NTM: variants seen among roughly 807,000 people sequenced by gnomAD.
NTM encodes the protein IgLON family member 2.
Under a neutral mutation model 42.1 loss-of-function variants are expected in NTM, and 13 were observed. That is an observed-to-expected ratio of 0.31 (90% CI 0.20 to 0.49). NTM has a LOEUF of 0.49. Among genes scored for constraint, NTM ranks in the 20% least tolerant of loss-of-function variants. The pLI, the probability that NTM is intolerant of heterozygous loss-of-function variation, is 0.99. For missense variants in NTM, 373 were observed against 452.8 expected (o/e 0.82, Z 1.60); for synonymous variants, 187 against 179.2 (o/e 1.04, Z -0.35).
chr11:131,708,870 T>C (rs766047113), intron 1 of NTM, among the ~76,000 whole-genome samples: 2 of 152,102 alleles, frequency 1.3e-5, no homozygotes, highest in African/African-American at 4.8e-5. Flanking sequence ...TGAAAGATGA[T>C]AAATGCTAAG....
intron 8 of NTM, 183 bp from the exon 9 acceptor site, chr11:132,334,863 T>TGTGTGTCTTGGGG (rs2136515862): frequency 2.0e-6 from 1 of 499,520 alleles, no homozygotes; most frequent in East Asian, 1.5e-4. Context: ...TTATCTAGTG[T>TGTGTGTCTTGGGG]GTGTGTCTTG....
rs1953528380 is a variant in NTM, at chr11:131,481,078, A to G, written c.82+110190A>G. ...AATGCTTGAGTGAAGAAAACAGTAGAGTAGGTAGAAATGGACATCGATATA... is the reference window on the plus strand; with the variant it reads ...AATGCTTGAGTGAAGAAAACAGTAGGGTAGGTAGAAATGGACATCGATATA... On this transcript the variant is annotated intron_variant, in intron 1 of 8. Transcript: ENST00000683400. 6.6e-5 allele frequency among the ~76,000 whole-genome samples: 10 copies of G among 152,154 alleles called. No individual in the cohort carries two copies. The South Asian group carries it at 2.1e-3, about 32-fold the overall frequency.
intron 1 of NTM, among the ~76,000 whole-genome samples, chr11:131,715,350 G>A (rs2077581456): frequency 6.6e-6 from 1 of 152,304 alleles, no homozygotes; most frequent in East Asian, 1.9e-4. Context: ...TGCAGAGGTT[G>A]GTGAAACCTG....
chr11:131,442,507 G>A (rs1949702940), intron 1 of NTM, among the ~76,000 whole-genome samples: 1 of 152,104 alleles, frequency 6.6e-6, no homozygotes, highest in African/African-American at 2.4e-5. Flanking sequence ...GGCTTCTAGT[G>A]TACCCATCAA....
chr11:132,132,451 GGA>G (rs1306093040), intron 2 of NTM, among the ~76,000 whole-genome samples: 2 of 152,142 alleles, frequency 1.3e-5, no homozygotes, highest in African/African-American at 4.8e-5. Flanking sequence ...GTTTTGTTCT[GGA>G]GAGTGAACAC....
chr11:131,907,055 A>T (rs1266354756), intron 1 of NTM, among the ~76,000 whole-genome samples: 2 of 152,140 alleles, frequency 1.3e-5, no homozygotes, highest in Non-Finnish European at 2.9e-5. Flanking sequence ...ATTTGATGTC[A>T]CACCACTCTC....
chr11:132,021,908 A>T (rs1401559963), intron 2 of NTM, among the ~76,000 whole-genome samples: 1 of 152,238 alleles, frequency 6.6e-6, no homozygotes, highest in Non-Finnish European at 1.5e-5. Flanking sequence ...AGTGTCAACT[A>T]AGAATATAGG....
At chr11:131,565,019 A>G (rs1333951185) in intron 1 of NTM, among the ~76,000 whole-genome samples, 1 of 152,204 alleles carries the variant, frequency 6.6e-6, no homozygotes, top group African/African-American at 2.4e-5. Context: ...ACAGGACGAC[A>G]TACTCCTTCT....
intron 1 of NTM, among the ~76,000 whole-genome samples, chr11:131,744,251 A>G (rs1479827171): frequency 3.3e-5 from 5 of 152,236 alleles, no homozygotes; most frequent in Non-Finnish European, 5.9e-5. Flanking sequence ...ACTAAATTCC[A>G]TACAAATAAT....
chr11:132,288,258 C>G (rs1051573946), intron 4 of NTM, among the ~76,000 whole-genome samples: 2 of 152,146 alleles, frequency 1.3e-5, no homozygotes, highest in Non-Finnish European at 1.5e-5. Context: ...TACCAAGATG[C>G]CCCAAGCCAT....
rs145290551 is a variant in NTM at position 132,024,188 on chromosome 11, A to T, written c.167+112540A>T. Among the ~76,000 whole-genome samples the T allele has an allele frequency of 5.0e-3, 764 of 151,676 alleles. 11 individuals are homozygous for T. The highest frequency in any genetic ancestry group is 0.018 in the African/African-American group (731 of 41,302). On this transcript the variant is annotated intron_variant, in intron 2 of 8. Transcript: ENST00000683400. ...TAGGGTATGTTTGTTTTGTGTTTTT[A>T]AAATTGTTTGCTCTCTGCATTTCCC...
At chr11:131,590,844 A>G (rs188917544) in intron 1 of NTM, among the ~76,000 whole-genome samples, 85 of 152,222 alleles carry the variant, frequency 5.6e-4, no homozygotes, top group African/African-American at 2.0e-3. Flanking sequence ...CCCAAATCCA[A>G]TGCTCTTAAT....
At chr11:131,496,593 CTGAG>C (rs1955371093) in intron 1 of NTM, among the ~76,000 whole-genome samples, 1 of 152,184 alleles carries the variant, frequency 6.6e-6, no homozygotes, top group Admixed American at 6.5e-5. Flanking sequence ...GAGCCATAGG[CTGAG>C]TGAGTGAAGA....
chr11:132,021,568 A>G (rs1277176862), intron 2 of NTM, among the ~76,000 whole-genome samples: 2 of 152,182 alleles, frequency 1.3e-5, no homozygotes, highest in African/African-American at 4.8e-5. Flanking sequence ...TGTTTAGCAA[A>G]CTGGCTAATC....
chr11:131,477,694 A>G (rs558440812), intron 1 of NTM, among the ~76,000 whole-genome samples: 13 of 151,474 alleles, frequency 8.6e-5, no homozygotes, highest in African/African-American at 1.7e-4. Context: ...TCAAAATACT[A>G]TTTCCCAGAG....
chr11:132,049,198 A>G lies in NTM; in HGVS notation c.168-97084A>G, dbSNP rs191120668. 1.8e-4 allele frequency among the ~76,000 whole-genome samples: 28 copies of G among 152,302 alleles called. No homozygotes were observed. In the East Asian group the frequency reaches 3.3e-3, roughly 18 times the overall value. ...GACACATCTGACAAAAGTGAGACGG[A>G]TAGAGCATAAAGTATGTCTGAAAAC... On this transcript the variant is annotated intron_variant, in intron 2 of 8. Transcript: ENST00000683400.
intron 1 of NTM, among the ~76,000 whole-genome samples, chr11:131,657,888 G>A (rs141629504): frequency 1.5e-3 from 225 of 152,280 alleles, no homozygotes; most frequent in African/African-American, 5.2e-3. Context: ...TGGCAAAACA[G>A]AACAGAACCA....
intron 1 of NTM, among the ~76,000 whole-genome samples, chr11:131,479,632 G>T (rs1434027023): frequency 6.6e-6 from 1 of 152,192 alleles, no homozygotes; most frequent in East Asian, 1.9e-4. Context: ...TCCAGGAAAA[G>T]AATGGTTCTG....
chr11:131,482,910 G>A (rs1407899940), intron 1 of NTM, among the ~76,000 whole-genome samples: 5 of 152,170 alleles, frequency 3.3e-5, no homozygotes, highest in African/African-American at 1.2e-4. Context: ...CTGGGAAAAA[G>A]GAAGCTTCAG....
Sources: allele counts gnomAD v4.1 joint callset (sites outside exome capture counted in the v4.1 genomes callset), GRCh38; gene constraint gnomAD v4.1.1; transcripts MANE v1.5; gene names NCBI Gene and HGNC (gene_info 2026-07-23, HGNC 2026-07-21).